The following ENOX2 variants were observed in gnomAD, a reference collection of about 807,000 sequenced individuals.
ENOX2 encodes APK1 antigen.
ENOX2 carries 36 observed loss-of-function variants against 45.0 expected under a neutral mutation model. The ratio of observed to expected loss-of-function variants is 0.80; its 90% CI spans 0.61 to 1.06. ENOX2 has a LOEUF of 1.06. Ranked by LOEUF, ENOX2 falls within the 50% of genes least tolerant of loss-of-function variation. The pLI, the probability that ENOX2 is intolerant of heterozygous loss-of-function variation, is 0.00. For synonymous variants in ENOX2, 174 were observed against 152.3 expected, an observed-to-expected ratio of 1.14 and a Z score of -1.05; for missense variants, 423 against 462.5, an observed-to-expected ratio of 0.91 and a Z score of 0.78.
intron 2 of ENOX2, among the ~76,000 whole-genome samples, chrX:130,827,764 A>G (rs183827580): frequency 1.2e-4 from 13 of 112,114 alleles, no homozygotes; most frequent in African/African-American, 3.9e-4. Context: ...AGTATGTTTG[A>G]AAACATGAGG....
intron 10 of ENOX2, among the ~76,000 whole-genome samples, chrX:130,645,147 T>A (rs2036195252): frequency 8.9e-6 from 1 of 111,993 alleles, no homozygotes; most frequent in Admixed American, 9.4e-5. Context: ...ATGGTTTAGG[T>A]CACATTTTTC....
Position 130,665,634 on chromosome X carries a change from G to C in ENOX2, c.1014+9C>G, listed in dbSNP as rs765414849. ...CCCCAAGGGGCTACCAGAATAAAAA[G>C]TTACCAACCTCAGCTTGTTTGCACC... On this transcript the variant is annotated intron_variant, in intron 9 of 14. Coordinates refer to ENST00000394363, the MANE Select transcript of ENOX2 (RefSeq NM_006375.4). 3 of 1,170,068 alleles carry C rather than the reference G, an allele frequency of 2.6e-6. No individual in the cohort carries two copies. In the African/African-American group the frequency reaches 5.3e-5, roughly 21 times the overall value.
At chrX:130,861,649 T>A (rs2078411134) in intron 2 of ENOX2, among the ~76,000 whole-genome samples, 2 of 111,429 alleles carry the variant, frequency 1.8e-5, no homozygotes, top group Non-Finnish European at 3.8e-5. Flanking sequence ...GGGAAGGTAT[T>A]AGTCAAAGGG....
intron 4 of ENOX2, among the ~76,000 whole-genome samples, chrX:130,693,585 A>G: frequency 8.9e-6 from 1 of 112,379 alleles, no homozygotes; most frequent in East Asian, 2.8e-4. Flanking sequence ...CAATGAATTA[A>G]TATGATTGCA....
At chrX:130,831,525 G>A (rs774312243) in intron 2 of ENOX2, among the ~76,000 whole-genome samples, 82 of 110,749 alleles carry the variant, frequency 7.4e-4, no homozygotes, top group Non-Finnish European at 1.4e-3. Flanking sequence ...CTGTGTTCCC[G>A]CAATACAACC....
chrX:130,699,897 G>A (rs2037855887), intron 4 of ENOX2, among the ~76,000 whole-genome samples: 1 of 112,269 alleles, frequency 8.9e-6, no homozygotes. Context: ...CTTTTTGTGA[G>A]CCACATCGCA....
intron 2 of ENOX2, among the ~76,000 whole-genome samples, chrX:130,787,589 G>GA (rs200066216): frequency 1.0e-4 from 11 of 109,577 alleles, no homozygotes; most frequent in Middle Eastern, 4.7e-3. Flanking sequence ...GAATCCAGGG[G>GA]AAAAAAAAAT....
At chrX:130,714,986 G>A (rs1051693310) in intron 3 of ENOX2, among the ~76,000 whole-genome samples, 2 of 112,006 alleles carry the variant, frequency 1.8e-5, no homozygotes, top group Non-Finnish European at 3.8e-5. Context: ...ACAGAACAAG[G>A]CTGTATTTGT....
intron 2 of ENOX2, among the ~76,000 whole-genome samples, chrX:130,834,342 T>C (rs2077890301): frequency 9.0e-6 from 1 of 111,721 alleles, no homozygotes; most frequent in Non-Finnish European, 1.9e-5. Context: ...TGACAGCAAT[T>C]TGACTGAAAT....
intron 3 of ENOX2, among the ~76,000 whole-genome samples, chrX:130,721,214 A>G (rs970544389): frequency 1.3e-4 from 14 of 111,608 alleles, no homozygotes; most frequent in Non-Finnish European, 2.6e-4. Context: ...CCCTATATAC[A>G]TCTAAGAACT....
At chrX:130,875,932 A>C (rs1473374462) in intron 2 of ENOX2, among the ~76,000 whole-genome samples, 2 of 112,381 alleles carry the variant, frequency 1.8e-5, no homozygotes, top group African/African-American at 6.5e-5. Context: ...GTATAAAATA[A>C]AAAGAAAGGC....
intron 2 of ENOX2, among the ~76,000 whole-genome samples, chrX:130,876,657 C>T (rs756783118): frequency 1.9e-4 from 21 of 111,279 alleles, no homozygotes; most frequent in Non-Finnish European, 3.8e-4. Context: ...AACAGTCACT[C>T]GGAGCACATG....
At chrX:130,869,866 CTT>C (rs1474745921) in intron 2 of ENOX2, among the ~76,000 whole-genome samples, 1 of 111,213 alleles carries the variant, frequency 9.0e-6, no homozygotes. Flanking sequence ...CATATTAAAA[CTT>C]AACAGAAATA....
At chrX:130,881,369 A>C (rs890576646) in intron 2 of ENOX2, among the ~76,000 whole-genome samples, 2 of 112,571 alleles carry the variant, frequency 1.8e-5, no homozygotes, top group Admixed American at 9.4e-5. Context: ...ATATCCATAG[A>C]GAATACAGAT....
chrX:130,764,941 A>G (rs2039582811), intron 3 of ENOX2, among the ~76,000 whole-genome samples: 1 of 111,690 alleles, frequency 9.0e-6, no homozygotes, highest in South Asian at 3.8e-4. Context: ...ATCTCATGCA[A>G]ATTAATATTT....
chrX:130,759,105 C>T (rs2039415048), intron 3 of ENOX2, among the ~76,000 whole-genome samples: 1 of 110,792 alleles, frequency 9.0e-6, no homozygotes. Context: ...TTTTTGGTGT[C>T]AAGTTTAAGA....
intron 5 of ENOX2, among the ~76,000 whole-genome samples, chrX:130,680,819 T>A (rs776462210): frequency 8.9e-6 from 1 of 112,555 alleles, no homozygotes; most frequent in Admixed American, 9.4e-5. Context: ...GTCATGTTCA[T>A]AGATTAGGCC....
chrX:130,646,720 T>G (rs778446185), intron 10 of ENOX2, among the ~76,000 whole-genome samples: 244 of 112,438 alleles, frequency 2.2e-3, no homozygotes, highest in African/African-American at 7.6e-3. Flanking sequence ...ATTTATTGGA[T>G]TCCTTTGGAG....
intron 2 of ENOX2, among the ~76,000 whole-genome samples, chrX:130,845,983 A>G (rs189314096): frequency 8.9e-6 from 1 of 112,280 alleles, no homozygotes; most frequent in Admixed American, 9.4e-5. Context: ...AAAAACACAT[A>G]TATTTGTAGG....
Sources: gnomAD v4.1 joint callset for allele counts (sites outside exome capture counted in the v4.1 genomes callset) on GRCh38, gnomAD v4.1.1 for gene constraint, MANE v1.5 for transcripts, NCBI Gene and HGNC (gene_info 2026-07-23, HGNC 2026-07-21) for gene names.